VPS13C: variants seen among roughly 807,000 people sequenced by gnomAD.
VPS13C encodes intermembrane lipid transfer protein VPS13C.
VPS13C carries 358 observed loss-of-function variants against 456.8 expected under a neutral mutation model. The observed-to-expected ratio is 0.78, with a 90% CI of 0.72 to 0.86. The LOEUF (loss-of-function observed/expected upper bound fraction) is 0.86. VPS13C is among the 40% of genes least tolerant of loss of function. The pLI is 0.00. For synonymous variants in VPS13C, 1,578 were observed against 1,486.7 expected (o/e 1.06, Z -1.41); for missense variants, 4,818 against 4,385.4 (o/e 1.10, Z -2.79).
intron 9 of VPS13C, among the ~76,000 whole-genome samples, chr15:62,014,450 T>C (rs182643101): frequency 2.6e-5 from 4 of 152,274 alleles, no homozygotes; most frequent in African/African-American, 7.2e-5. Flanking sequence ...AAGGGCGTTA[T>C]TGAGAAACTT....
At chr15:61,857,586 G>A (rs747950067) in intron 82 of VPS13C, among the ~76,000 whole-genome samples, 1 of 152,146 alleles carries the variant, frequency 6.6e-6, no homozygotes, top group Admixed American at 6.5e-5. Flanking sequence ...CACTTTTAAT[G>A]AAACAGGAAA....
At chr15:62,034,874 T>G in intron 4 of VPS13C, 83 bp downstream of exon 4, 4 of 907,302 alleles carry the variant, frequency 4.4e-6, no homozygotes, top group Non-Finnish European at 6.7e-6. Context: ...TCTTAATAAA[T>G]AAATGTATTA....
chr15:61,909,145 AG>A lies in VPS13C; in HGVS notation c.8845-21del, dbSNP rs755941527. ...CCCATTCTATTGTAGAAAAAAAAAAAGTATGTTTGATGTACTGGTTTAATCT... is the reference window on the plus strand; with the variant it reads ...CCCATTCTATTGTAGAAAAAAAAAAATATGTTTGATGTACTGGTTTAATCT... On this transcript the variant is annotated intron_variant, in intron 64 of 84. Transcript: ENST00000644861. 6.6e-7 allele frequency: 1 copy of A among 1,504,164 alleles called. No homozygotes were observed. The highest frequency in any genetic ancestry group is 9.2e-7 in the Non-Finnish European group (1 of 1,083,722). The allele number at this position is 1,504,164 out of a possible 1,614,324, so 93.2% of individuals were successfully genotyped here.
intron 18 of VPS13C, among the ~76,000 whole-genome samples, chr15:61,990,539 G>A (rs372958160): frequency 7.9e-5 from 12 of 152,058 alleles, no homozygotes; most frequent in South Asian, 2.1e-4. Flanking sequence ...GGCTGGGCAC[G>A]GTGGCTCACC....
At chr15:61,939,990 T>A (rs992551426) in intron 47 of VPS13C, among the ~76,000 whole-genome samples, 1 of 144,962 alleles carries the variant, frequency 6.9e-6, no homozygotes, top group Admixed American at 6.9e-5. Context: ...CAAGACTCCG[T>A]CTCAAAAAAA....
intron 16 of VPS13C, among the ~76,000 whole-genome samples, chr15:61,993,450 T>C (rs763444770): frequency 6.6e-6 from 1 of 152,068 alleles, no homozygotes; most frequent in Non-Finnish European, 1.5e-5. Flanking sequence ...GAAATCAAGA[T>C]AGTATGGCGA....
chr15:61,991,344 AG>A (rs1329172332), intron 17 of VPS13C, among the ~76,000 whole-genome samples: 1 of 152,204 alleles, frequency 6.6e-6, no homozygotes, highest in Non-Finnish European at 1.5e-5. Flanking sequence ...GAATTCCCTA[AG>A]TATTTTAAAA....
chr15:61,963,851 G>A lies in VPS13C; in HGVS notation c.3315C>T (p.Ala1105=), dbSNP rs113616681. The change falls in exon 32 of 85, where the codon GCC becomes GCT. Residue 1105 remains alanine (A), a synonymous_variant. Coordinates refer to ENST00000644861, the MANE Select transcript of VPS13C (RefSeq NM_020821.3). ...VIVCNEKNNI[A]EIKIQGLDSS... Reference sequence around the variant, plus strand: ...AACTTTTACCTTGAATCTTGATTTCGGCGATATTGTTCTTTTCGTTGCAAA... The same window carrying A: ...AACTTTTACCTTGAATCTTGATTTCAGCGATATTGTTCTTTTCGTTGCAAA... The A allele has an allele frequency of 4.9e-5, 78 of 1,606,788 alleles. No homozygotes were observed. In the African/African-American group the frequency reaches 6.7e-4, roughly 14 times the overall value.
intron 1 of VPS13C, among the ~76,000 whole-genome samples, chr15:62,054,326 C>T (rs1197210817): frequency 6.6e-6 from 1 of 152,102 alleles, no homozygotes; most frequent in Non-Finnish European, 1.5e-5. Context: ...AACTAGCTGG[C>T]AGGTAATACT....
In VPS13C at chr15:61,978,651, A is replaced by AT; in HGVS notation, c.2264dup (p.Asn755LysfsTer35). The AT allele has an allele frequency of 6.2e-7, 1 of 1,611,820 alleles. No individual in the cohort carries two copies. ...CTGCTCTTGCAAAAAGTAGTTGTACATTTTTTATTTCAACATCAAACTTGT... is the reference window on the plus strand; with the variant it reads ...CTGCTCTTGCAAAAAGTAGTTGTACATTTTTTTATTTCAACATCAAACTTGT... On this transcript the variant is annotated frameshift_variant, in exon 23 of 85. Transcript: ENST00000644861. LOFTEE classifies it high-confidence loss of function.
At chr15:61,884,072 TACC>T in intron 68 of VPS13C, 53 bp downstream of exon 68, 3 of 1,509,902 alleles carry the variant, frequency 2.0e-6, no homozygotes, top group African/African-American at 2.8e-5. Flanking sequence ...TTTTACTTAC[TACC>T]ACCACCAAGA....
At chr15:62,046,566 C>A (rs570731200) in intron 1 of VPS13C, among the ~76,000 whole-genome samples, 2 of 152,280 alleles carry the variant, frequency 1.3e-5, no homozygotes, top group African/African-American at 4.8e-5. Context: ...ATCTAAGGCC[C>A]ACATGCAGAC....
In VPS13C at chr15:61,877,056, T is replaced by A; in HGVS notation, c.10143-2A>T. ...TATCGAATTTCATAATAAGCAAGTCTGGGAGGAGAAAAAGGAAAGATTCAA... is the reference window on the plus strand; with the variant it reads ...TATCGAATTTCATAATAAGCAAGTCAGGGAGGAGAAAAAGGAAAGATTCAA... On this transcript the variant is annotated splice_acceptor_variant, in intron 74 of 84. Transcript: ENST00000644861. LOFTEE classifies it high-confidence loss of function. The A allele has an allele frequency of 6.3e-7, 1 of 1,597,476 alleles. No individual in the cohort carries two copies. Among genetic ancestry groups the A allele is most frequent in the Non-Finnish European group, 8.5e-7 (1 of 1,172,100 alleles).
In VPS13C at chr15:61,880,831, A is replaced by G; in HGVS notation, c.9888+12T>C. The G allele has an allele frequency of 6.3e-7, 1 of 1,580,056 alleles. No individual in the cohort carries two copies. Among genetic ancestry groups the G allele is most frequent in the Non-Finnish European group, 8.5e-7 (1 of 1,169,680 alleles). ...TAATTTTATATTTTCCCCAAGAAAT[A>G]AAAATTTTTACCCGTCTTCTTTCAG... On this transcript the variant is annotated intron_variant, in intron 72 of 84. Transcript: ENST00000644861.
chr15:61,878,703 T>C lies in VPS13C; in HGVS notation c.10046A>G (p.Asp3349Gly). Reference sequence around the variant, plus strand: ...TGCAAACATTTCCTGTTTTTCTTTGTCTGATTCTTCACCTCCGGAACCCAA... The same window carrying C: ...TGCAAACATTTCCTGTTTTTCTTTGCCTGATTCTTCACCTCCGGAACCCAA... The part of the protein sequence containing the change: ...LSLGSGGEES[D>G]KEKQEMFAVH... Residue 3349 changes from aspartate to glycine, a missense_variant, in exon 74 of 85, where the codon GAC becomes GGC. This residue lies in a region of VPS13C where 4,552 missense variants were observed against 4,130.6 expected (regional missense o/e 1.10). Transcript: ENST00000644861. 6.2e-7 allele frequency: 1 copy of C among 1,611,324 alleles called. No individual in the cohort carries two copies. The highest frequency in any genetic ancestry group is 8.5e-7 in the Non-Finnish European group (1 of 1,178,700).
At chr15:61,900,063 C>T (rs1359508294) in intron 66 of VPS13C, among the ~76,000 whole-genome samples, 2 of 152,114 alleles carry the variant, frequency 1.3e-5, no homozygotes, top group Non-Finnish European at 2.9e-5. Flanking sequence ...AATTCAACAA[C>T]CCTTCATGCT....
Position 61,867,706 on chromosome 15 carries a change from T to C in VPS13C, c.10863+953A>G. 1.5e-6 allele frequency: 2 copies of C among 1,357,576 alleles called. No homozygotes were observed. The highest frequency in any genetic ancestry group is 3.7e-5 in the South Asian group (2 of 53,742). The allele number at this position is 1,357,576 out of a possible 1,614,324, so 84.1% of individuals were successfully genotyped here. A position where few individuals can be genotyped will look rare whatever the true frequency, so the allele number is the denominator to read the frequency against. On this transcript the variant is annotated intron_variant, in intron 81 of 84. Coordinates refer to ENST00000644861, the MANE Select transcript of VPS13C (RefSeq NM_020821.3). This position sits in a 1 kb window ranked among gnomAD's most constrained non-coding sequence, Gnocchi z 5.0. ...AAGAGAGCTGATTCTCTGCATCCTT[T>C]AATATTTTATACTAATCTCTTATTT...
Position 61,922,539 on chromosome 15 carries a change from A to G in VPS13C, c.6833T>C (p.Val2278Ala), listed in dbSNP as rs202056315. The G allele has an allele frequency of 6.2e-7, 1 of 1,614,092 alleles. No individual in the cohort carries two copies. The highest frequency in any genetic ancestry group is 1.1e-5 in the South Asian group (1 of 91,076). ...EHSLIEENCG[V>A]VVESIQVTLE... ...GGTAACTTGAATGGATTCTACAACA[A>G]CACCACAATTTTCCTCTATCAGTGA... Residue 2278 changes from valine to alanine, a missense_variant, in exon 54 of 85, where the codon GTT becomes GCT. This residue lies in a region of VPS13C where 4,552 missense variants were observed against 4,130.6 expected (regional missense o/e 1.10). Coordinates refer to ENST00000644861, the MANE Select transcript of VPS13C (RefSeq NM_020821.3).
intron 16 of VPS13C, among the ~76,000 whole-genome samples, chr15:61,994,441 C>G (rs1468294853): frequency 6.6e-6 from 1 of 152,076 alleles, no homozygotes; most frequent in Non-Finnish European, 1.5e-5. Context: ...TAACTTGTAC[C>G]TTGGGGAATT....
Sources: allele counts gnomAD v4.1 joint callset (sites outside exome capture counted in the v4.1 genomes callset), GRCh38; gene constraint gnomAD v4.1.1; regional missense constraint gnomAD v4.1.1; non-coding constraint Gnocchi (gnomAD v3.1); transcripts MANE v1.5; gene names NCBI Gene and HGNC (gene_info 2026-07-23, HGNC 2026-07-21).